The following AASS variants were observed in gnomAD, a reference collection of about 807,000 sequenced individuals.
AASS encodes the protein aminoadipate-semialdehyde synthase.
In AASS, 86 loss-of-function variants were observed where a neutral mutation model predicts 105.4. That is an observed-to-expected ratio of 0.82 (90% CI 0.69 to 0.98). AASS has a LOEUF of 0.98. AASS is among the 50% of genes least tolerant of loss of function. The pLI, the probability that AASS is intolerant of heterozygous loss-of-function variation, is 0.00. For missense variants in AASS, 1,048 were observed against 1,143.2 expected (o/e 0.92, Z 1.20); for synonymous variants, 381 against 394.8 (o/e 0.96, Z 0.41).
chr7:122,113,351 C>G, intron 10 of AASS, 122 bp from the exon 11 acceptor site: 3 of 1,065,630 alleles, frequency 2.8e-6, no homozygotes, highest in Non-Finnish European at 4.2e-6. Flanking sequence ...TAAAAGTATA[C>G]GCGAAAATAA....
rs559496192 is a variant in AASS, at chr7:122,140,354, G to A, written c.-16+3807C>T. Among the ~76,000 whole-genome samples the A allele has an allele frequency of 2.6e-5, 4 of 151,520 alleles. No homozygotes were observed. In the South Asian group the frequency reaches 8.4e-4, roughly 32 times the overall value. The stretch of plus-strand genomic sequence containing the variant: ...CAAAAAATTAGCCAGGGTCGGTGGC[G>A]GGCGCCTGTAGTCCCAGCTACTCGG... On this transcript the variant is annotated intron_variant, in intron 1 of 23. Coordinates refer to ENST00000417368, the MANE Select transcript of AASS (RefSeq NM_005763.4).
intron 19 of AASS, among the ~76,000 whole-genome samples, chr7:122,085,630 A>AT (rs2150511564): frequency 6.6e-6 from 1 of 152,104 alleles, no homozygotes; most frequent in Admixed American, 6.5e-5. Context: ...GAACGGTATC[A>AT]TTTTTTATTC....
At chr7:122,112,476 T>A (rs942983181) in intron 11 of AASS, among the ~76,000 whole-genome samples, 1 of 152,182 alleles carries the variant, frequency 6.6e-6, no homozygotes. Context: ...TAAGAGCTTA[T>A]GAGGGAAGAT....
intron 1 of AASS, among the ~76,000 whole-genome samples, chr7:122,134,515 A>C (rs1208192326): frequency 6.6e-6 from 1 of 152,098 alleles, no homozygotes; most frequent in Non-Finnish European, 1.5e-5. Context: ...ACAACCACCC[A>C]CCTGGCTAAG....
chr7:122,127,559 C>CCTATAGTATTATTTCCA (rs1795712968), intron 3 of AASS, among the ~76,000 whole-genome samples: 1 of 151,950 alleles, frequency 6.6e-6, no homozygotes, highest in Non-Finnish European at 1.5e-5. Flanking sequence ...GAACATTCTT[C>CCTATAGTATTATTTCCA]CTATAGTATT....
At chr7:122,106,628 C>T (rs1794678648) in intron 11 of AASS, among the ~76,000 whole-genome samples, 1 of 152,038 alleles carries the variant, frequency 6.6e-6, no homozygotes, top group African/African-American at 2.4e-5. Context: ...TGATCTTCAA[C>T]AAAGCTGACA....
intron 13 of AASS, 135 bp from the exon 14 acceptor site, chr7:122,099,001 T>A: frequency 2.1e-6 from 2 of 953,196 alleles, no homozygotes; most frequent in Non-Finnish European, 3.0e-6. Flanking sequence ...TCACATTACT[T>A]AAAATAAGAA....
rs79589982 is a variant in AASS, at chr7:122,074,869, G to GTT, written c.*1618_*1619dup. ...TGTCAATTTTTTTCTTTTCTTTTTT[G>GTT]TTTTTTTTGAGTCAAGGTCTAACTC... On this transcript the variant is annotated 3_prime_UTR_variant, in exon 24 of 24. Transcript: ENST00000417368. Among the ~76,000 whole-genome samples, 193 of 151,096 alleles carry GTT rather than the reference G, an allele frequency of 1.3e-3. No homozygotes were observed. Among genetic ancestry groups the GTT allele is most frequent in the African/African-American group, 3.7e-3 (152 of 41,164 alleles).
intron 1 of AASS, among the ~76,000 whole-genome samples, chr7:122,141,444 G>T (rs2150560617): frequency 1.3e-5 from 2 of 152,180 alleles, no homozygotes; most frequent in African/African-American, 4.8e-5. Flanking sequence ...CTGTCTCTTT[G>T]CTAAACTGCA....
At chr7:122,100,978 T>C (rs1794397980) in intron 13 of AASS, among the ~76,000 whole-genome samples, 1 of 151,774 alleles carries the variant, frequency 6.6e-6, no homozygotes, top group South Asian at 2.1e-4. Context: ...AGAGTCCAAA[T>C]CCTCAACTAA....
intron 6 of AASS, among the ~76,000 whole-genome samples, chr7:122,117,533 G>A (rs1795239870): frequency 6.6e-6 from 1 of 152,088 alleles, no homozygotes; most frequent in African/African-American, 2.4e-5. Context: ...TTATCGTGAG[G>A]TCACTTTCAA....
rs1035239579 is a variant in AASS at position 122,076,543 on chromosome 7, C to T, written c.2727G>A (p.Glu909=). The T allele has an allele frequency of 3.1e-6, 5 of 1,613,928 alleles. No homozygotes were observed. Among genetic ancestry groups the T allele is most frequent in the Non-Finnish European group, 3.4e-6 (4 of 1,179,842 alleles). ...FSKEIYGPIL[E]RIKAEGIIYT... is the part of the protein sequence containing the mutation. The stretch of plus-strand genomic sequence containing the variant: ...ATATAATGCCTTCTGCTTTAATTCG[C>T]TCCAATATTGGTCCATAGATCTCCT... The change falls in exon 24 of 24, where the codon GAG becomes GAA. Residue 909 remains glutamate, a synonymous_variant. Transcript: ENST00000417368.
chr7:122,118,758 G>C, intron 4 of AASS, 128 bp from the exon 5 acceptor site: 2 of 927,482 alleles, frequency 2.2e-6, no homozygotes, highest in East Asian at 5.3e-5. Flanking sequence ...TTTAGAAGAG[G>C]CCTCAGTAGA....
intron 19 of AASS, chr7:122,082,933 T>C (rs1285791483): frequency 3.5e-6 from 4 of 1,149,778 alleles, no homozygotes; most frequent in Non-Finnish European, 4.6e-6. Context: ...TTCTGAATAA[T>C]AGATGAAGTG....
At chr7:122,135,271 T>TAAAAA (rs35382381) in intron 1 of AASS, among the ~76,000 whole-genome samples, 2 of 145,696 alleles carry the variant, frequency 1.4e-5, no homozygotes, top group Non-Finnish European at 3.0e-5. Flanking sequence ...CTTAAAGTAT[T>TAAAAA]AAAAAAAAAA....
chr7:122,102,100 A>T (rs1282775582), intron 11 of AASS, among the ~76,000 whole-genome samples: 1 of 151,902 alleles, frequency 6.6e-6, no homozygotes, highest in Non-Finnish European at 1.5e-5. Flanking sequence ...TTTTCCACTC[A>T]GCAAGGCCAC....
At chr7:122,079,436 C>T in intron 21 of AASS, 161 bp downstream of exon 21, 2 of 1,095,390 alleles carry the variant, frequency 1.8e-6, no homozygotes, top group Non-Finnish European at 2.6e-6. Flanking sequence ...TCTTTATCTA[C>T]TCTTTATGCC....
intron 3 of AASS, among the ~76,000 whole-genome samples, chr7:122,128,294 C>T (rs996178256): frequency 6.6e-6 from 1 of 152,170 alleles, no homozygotes; most frequent in African/African-American, 2.4e-5. Flanking sequence ...ATTGTTGACA[C>T]AAGAGACAAA....
At chr7:122,083,355 C>T (rs1793469610) in intron 19 of AASS, among the ~76,000 whole-genome samples, 1 of 152,134 alleles carries the variant, frequency 6.6e-6, no homozygotes. Context: ...ATCTAAAATA[C>T]TGATTTCTGA....
Sources: allele counts gnomAD v4.1 joint callset (sites outside exome capture counted in the v4.1 genomes callset), GRCh38; gene constraint gnomAD v4.1.1; transcripts MANE v1.5; gene names NCBI Gene and HGNC (gene_info 2026-07-23, HGNC 2026-07-21).